ITGB5: variants seen among roughly 807,000 people sequenced by gnomAD.
ITGB5 encodes integrin subunit beta 5.
In ITGB5, 38 loss-of-function variants were observed where a neutral mutation model predicts 84.8. That is an observed-to-expected ratio of 0.45 (90% CI 0.35 to 0.59). The LOEUF is 0.59. Among genes scored for constraint, ITGB5 ranks in the 20% least tolerant of loss-of-function variants. The pLI is 0.01. For missense variants in ITGB5, 905 were observed against 1,034.5 expected (o/e 0.87, Z 1.72); for synonymous variants, 393 against 414.4 (o/e 0.95, Z 0.63).
At chr3:124,880,498 C>T (rs1347309290) in intron 1 of ITGB5, among the ~76,000 whole-genome samples, 2 of 152,060 alleles carry the variant, frequency 1.3e-5, no homozygotes, top group African/African-American at 4.8e-5. Flanking sequence ...TTCTGTGATC[C>T]CAACAATTTG....
At chr3:124,857,982 A>T (rs2065242085) in intron 3 of ITGB5, among the ~76,000 whole-genome samples, 1 of 152,060 alleles carries the variant, frequency 6.6e-6, no homozygotes, top group Admixed American at 6.6e-5. Flanking sequence ...AAAAACACAC[A>T]CACAAAAAAA....
In ITGB5 at chr3:124,817,516, A is replaced by G. The variant is rs1240408913; in HGVS notation, c.1128+105T>C. ...AAGGGGATGGGGGAGCAGAGCCAAGAAGAGCAGCACGGAGAACTGCCCACC... is the reference window on the plus strand; with the variant it reads ...AAGGGGATGGGGGAGCAGAGCCAAGGAGAGCAGCACGGAGAACTGCCCACC... On this transcript the variant is annotated intron_variant, in intron 8 of 14. Coordinates refer to ENST00000296181, the MANE Select transcript of ITGB5 (RefSeq NM_002213.5). The G allele has an allele frequency of 4.9e-6, 3 of 613,150 alleles. No individual in the cohort carries two copies. The African/African-American group carries it at 5.8e-5, about 12-fold the overall frequency. The allele number at this position is 613,150 out of a possible 1,614,324, so 38.0% of individuals were successfully genotyped here.
At chr3:124,847,796 T>C (rs1238994808) in intron 4 of ITGB5, among the ~76,000 whole-genome samples, 2 of 152,204 alleles carry the variant, frequency 1.3e-5, no homozygotes, top group African/African-American at 4.8e-5. Context: ...TAATAATATG[T>C]CAAATCTTTT....
At chr3:124,787,067 T>C (rs1020819560) in intron 10 of ITGB5, among the ~76,000 whole-genome samples, 2 of 152,198 alleles carry the variant, frequency 1.3e-5, no homozygotes, top group South Asian at 4.1e-4. Flanking sequence ...TTCCTAGTAC[T>C]TTCCTTTGCT....
At chr3:124,813,348 A>C (rs1032502172) in intron 8 of ITGB5, among the ~76,000 whole-genome samples, 12 of 152,080 alleles carry the variant, frequency 7.9e-5, no homozygotes, top group Admixed American at 5.2e-4. Context: ...GCAATTCTCT[A>C]CTGGACACTG....
At chr3:124,897,018 C>A (rs986212087) in intron 1 of ITGB5, among the ~76,000 whole-genome samples, 18 of 152,010 alleles carry the variant, frequency 1.2e-4, no homozygotes, top group African/African-American at 3.9e-4. Flanking sequence ...TCAGATTGCA[C>A]AACTCACAAA....
chr3:124,814,548 C>T (rs1383427276), intron 8 of ITGB5, among the ~76,000 whole-genome samples: 1 of 151,806 alleles, frequency 6.6e-6, no homozygotes, highest in Non-Finnish European at 1.5e-5. Context: ...ACAATCATAG[C>T]TCACTGCAGC....
intron 10 of ITGB5, among the ~76,000 whole-genome samples, chr3:124,774,776 A>G (rs1278942413): frequency 6.8e-6 from 1 of 146,968 alleles, no homozygotes; most frequent in East Asian, 2.0e-4. Context: ...TTAGGAGCAG[A>G]TGCTGAGAAC....
At chr3:124,784,230 C>T (rs1464834675) in intron 10 of ITGB5, among the ~76,000 whole-genome samples, 1 of 152,150 alleles carries the variant, frequency 6.6e-6, no homozygotes, top group Non-Finnish European at 1.5e-5. Flanking sequence ...ATGCTGATGC[C>T]AGCTGGGTGC....
At chr3:124,817,599 G>C (rs1559950232) in intron 8 of ITGB5, 22 bp downstream of exon 8, 1 of 1,332,012 alleles carries the variant, frequency 7.5e-7, no homozygotes, top group East Asian at 2.5e-5. Flanking sequence ...GGTGGCAGTG[G>C]GGGAAGAAAC....
chr3:124,766,743 T>G (rs183593709), intron 12 of ITGB5, among the ~76,000 whole-genome samples: 1 of 152,164 alleles, frequency 6.6e-6, no homozygotes, highest in Non-Finnish European at 1.5e-5. Context: ...GGCTTCATAT[T>G]TGAGAAACAG....
chr3:124,802,575 C>G (rs908424690), intron 9 of ITGB5, among the ~76,000 whole-genome samples: 9 of 152,236 alleles, frequency 5.9e-5, no homozygotes, highest in Admixed American at 5.2e-4. Context: ...TCACAAGGGC[C>G]CCCACTCAGA....
At chr3:124,844,291 G>A (rs2065049150) in intron 4 of ITGB5, among the ~76,000 whole-genome samples, 1 of 151,806 alleles carries the variant, frequency 6.6e-6, no homozygotes, top group Non-Finnish European at 1.5e-5. Context: ...TGGGTGCAGT[G>A]GCTCACGCCT....
At chr3:124,836,407 C>T (rs2064935903) in intron 5 of ITGB5, among the ~76,000 whole-genome samples, 1 of 150,416 alleles carries the variant, frequency 6.6e-6, no homozygotes, top group Admixed American at 6.6e-5. Flanking sequence ...GATAACACCA[C>T]AGCACTCCAG....
At chr3:124,794,810 G>GAAAGAA (rs200071041) in intron 10 of ITGB5, among the ~76,000 whole-genome samples, 51 of 130,724 alleles carry the variant, frequency 3.9e-4, no homozygotes, top group African/African-American at 1.4e-3. Flanking sequence ...GAAAGAAAGA[G>GAAAGAA]AGAGAGAGAG....
At chr3:124,861,381 C>T (rs1416959110) in intron 2 of ITGB5, among the ~76,000 whole-genome samples, 4 of 150,512 alleles carry the variant, frequency 2.7e-5, no homozygotes, top group Non-Finnish European at 4.4e-5. Flanking sequence ...GCGGGAGGAT[C>T]GCTCGAGCCC....
intron 2 of ITGB5, among the ~76,000 whole-genome samples, chr3:124,872,626 C>T (rs920093972): frequency 2.0e-5 from 3 of 152,124 alleles, no homozygotes; most frequent in Admixed American, 6.5e-5. Context: ...TTACAAATAA[C>T]CTTAATGGGG....
chr3:124,880,670 G>C (rs1478781359), intron 1 of ITGB5, among the ~76,000 whole-genome samples: 3 of 152,164 alleles, frequency 2.0e-5, no homozygotes, highest in Non-Finnish European at 4.4e-5. Flanking sequence ...GCTCATGCCT[G>C]TAATCCCAAC....
chr3:124,778,046 G>A (rs2063950310), intron 10 of ITGB5, among the ~76,000 whole-genome samples: 1 of 152,222 alleles, frequency 6.6e-6, no homozygotes, highest in African/African-American at 2.4e-5. Flanking sequence ...CTGGCGGACA[G>A]TGCTCAGAGG....
Sources: allele counts gnomAD v4.1 joint callset (sites outside exome capture counted in the v4.1 genomes callset), GRCh38; gene constraint gnomAD v4.1.1; transcripts MANE v1.5; gene names NCBI Gene and HGNC (gene_info 2026-07-23, HGNC 2026-07-21).